The following CNTNAP2 variants were observed in gnomAD, a reference collection of about 807,000 sequenced individuals.
CNTNAP2 encodes contactin-associated protein-like 2.
A neutral mutation model predicts 155.2 loss-of-function variants in CNTNAP2; 98 were observed. The ratio of observed to expected loss-of-function variants is 0.63; its 90% CI spans 0.54 to 0.75. The LOEUF is 0.75. Ranked by LOEUF, CNTNAP2 falls within the 30% of genes least tolerant of loss-of-function variation. The pLI is 0.00. For synonymous variants in CNTNAP2, 651 were observed against 631.2 expected, an observed-to-expected ratio of 1.03 and a Z score of -0.47; for missense variants, 1,727 against 1,688.1, an observed-to-expected ratio of 1.02 and a Z score of -0.40.
At chr7:146,551,610 A>G (rs1452720821) in intron 1 of CNTNAP2, among the ~76,000 whole-genome samples, 1 of 152,264 alleles carries the variant, frequency 6.6e-6, no homozygotes. Context: ...TATAATTAAA[A>G]AAAAGAATAA....
At chr7:147,094,882 G>A (rs1243296901) in intron 4 of CNTNAP2, among the ~76,000 whole-genome samples, 2 of 152,016 alleles carry the variant, frequency 1.3e-5, no homozygotes, top group Non-Finnish European at 2.9e-5. Context: ...ATCTAATTTT[G>A]CAAGTTCTAA....
chr7:147,282,401 C>T (rs966711900), intron 8 of CNTNAP2, among the ~76,000 whole-genome samples: 1 of 151,926 alleles, frequency 6.6e-6, no homozygotes, highest in African/African-American at 2.4e-5. Context: ...GTTTGGATGA[C>T]ATCATCATCT....
At chr7:147,196,320 T>C (rs1563111866) in intron 8 of CNTNAP2, among the ~76,000 whole-genome samples, 1 of 152,234 alleles carries the variant, frequency 6.6e-6, no homozygotes, top group Non-Finnish European at 1.5e-5. Context: ...GACAACTATA[T>C]GCTGGACAGA....
intron 1 of CNTNAP2, among the ~76,000 whole-genome samples, chr7:146,644,656 C>T (rs996378761): frequency 6.6e-6 from 1 of 152,056 alleles, no homozygotes. Flanking sequence ...GATATCACCA[C>T]CGATCCCACA....
intron 1 of CNTNAP2, among the ~76,000 whole-genome samples, chr7:146,631,206 A>T (rs951172946): frequency 6.6e-6 from 1 of 152,192 alleles, no homozygotes; most frequent in African/African-American, 2.4e-5. Flanking sequence ...TGGTACCAAA[A>T]CAGAAATATA....
chr7:147,942,969 G>A (rs973951835), intron 14 of CNTNAP2, among the ~76,000 whole-genome samples: 17 of 151,812 alleles, frequency 1.1e-4, no homozygotes, highest in African/African-American at 2.9e-4. Context: ...CCCGGGAGGC[G>A]GAGCTTGCAG....
At chr7:147,341,277 G>A (rs185203956) in intron 9 of CNTNAP2, among the ~76,000 whole-genome samples, 2,390 of 151,870 alleles carry the variant, frequency 0.016, 65 homozygotes, top group African/African-American at 0.054. Flanking sequence ...ATCACATACC[G>A]GGGCCTGTCG....
At chr7:148,111,847 T>C (rs1804360260) in intron 15 of CNTNAP2, among the ~76,000 whole-genome samples, 1 of 152,202 alleles carries the variant, frequency 6.6e-6, no homozygotes, top group South Asian at 2.1e-4. Flanking sequence ...GTTTAGAAAG[T>C]TAACCTCGAG....
At position 147,279,506 on chromosome 7, in the gene CNTNAP2, T is replaced by A. The variant is rs146988050; in HGVS notation, c.1349-20635T>A. ...ATATAAACTACATTTTCATCTAGCA[T>A]CTGATTTCCATAAAATGATAACTTT... On this transcript the variant is annotated intron_variant, in intron 8 of 23. Transcript: ENST00000361727. 1.6e-3 allele frequency among the ~76,000 whole-genome samples: 243 copies of A among 151,988 alleles called. 4 individuals carry two copies. Among genetic ancestry groups the A allele is most frequent in the African/African-American group, 5.5e-3 (229 of 41,530 alleles).
intron 21 of CNTNAP2, among the ~76,000 whole-genome samples, chr7:148,310,921 G>A (rs1270051877): frequency 6.6e-6 from 1 of 152,124 alleles, no homozygotes; most frequent in Non-Finnish European, 1.5e-5. Flanking sequence ...ACCTTTCACT[G>A]TTATTTTCGG....
At chr7:146,723,449 G>A (rs1327041734) in intron 1 of CNTNAP2, among the ~76,000 whole-genome samples, 2 of 152,168 alleles carry the variant, frequency 1.3e-5, no homozygotes, top group Non-Finnish European at 2.9e-5. Context: ...AAAGGAGTTA[G>A]AAACCTTTTC....
intron 4 of CNTNAP2, among the ~76,000 whole-genome samples, chr7:147,093,145 G>A (rs1188063906): frequency 6.6e-6 from 1 of 150,512 alleles, no homozygotes; most frequent in Admixed American, 6.6e-5. Flanking sequence ...GGAGGCTGAG[G>A]CAGGAGAATG....
intron 13 of CNTNAP2, among the ~76,000 whole-genome samples, chr7:147,870,236 G>A (rs1585002006): frequency 6.6e-6 from 1 of 152,110 alleles, no homozygotes; most frequent in Non-Finnish European, 1.5e-5. Flanking sequence ...AGGCCATAAC[G>A]CTGGTCTGAC....
chr7:147,073,666 C>T (rs1268926966), intron 4 of CNTNAP2, among the ~76,000 whole-genome samples: 1 of 152,042 alleles, frequency 6.6e-6, no homozygotes, highest in Non-Finnish European at 1.5e-5. Flanking sequence ...GCAGGTAGGT[C>T]AGGGGAAATC....
intron 1 of CNTNAP2, among the ~76,000 whole-genome samples, chr7:146,271,200 C>T (rs553648710): frequency 1.3e-5 from 2 of 151,956 alleles, no homozygotes; most frequent in African/African-American, 4.8e-5. Context: ...ATTTAGTCAT[C>T]AAGACCAAAT....
intron 1 of CNTNAP2, among the ~76,000 whole-genome samples, chr7:146,350,653 A>G (rs1794899555): frequency 6.6e-6 from 1 of 152,052 alleles, no homozygotes; most frequent in Admixed American, 6.6e-5. Flanking sequence ...TATAAATACC[A>G]TTTGACCCAG....
chr7:148,372,285 G>T (rs1798901630), intron 21 of CNTNAP2, among the ~76,000 whole-genome samples: 1 of 152,150 alleles, frequency 6.6e-6, no homozygotes, highest in Non-Finnish European at 1.5e-5. Context: ...AGGACTGGAA[G>T]TTGCTCTGGA....
chr7:147,489,007 C>A (rs1261836895), intron 11 of CNTNAP2, among the ~76,000 whole-genome samples: 1 of 152,204 alleles, frequency 6.6e-6, no homozygotes, highest in Non-Finnish European at 1.5e-5. Context: ...CTTTGAACTT[C>A]TATACCAATA....
At chr7:146,246,141 T>C (rs190701787) in intron 1 of CNTNAP2, among the ~76,000 whole-genome samples, 6,597 of 145,562 alleles carry the variant, frequency 0.045, 272 homozygotes, top group African/African-American at 0.12. Flanking sequence ...TGGCATTGAG[T>C]GGGGTAAGGG....
Sources: allele counts gnomAD v4.1 joint callset (sites outside exome capture counted in the v4.1 genomes callset), GRCh38; gene constraint gnomAD v4.1.1; transcripts MANE v1.5; gene names NCBI Gene and HGNC (gene_info 2026-07-23, HGNC 2026-07-21).